Variants in TPTE2 observed in about 807,000 individuals in gnomAD.
The protein encoded by TPTE2 is transmembrane phosphoinositide 3-phosphatase and tensin homolog 2.
TPTE2 carries 53 observed loss-of-function variants against 78.6 expected under a neutral mutation model. The ratio of observed to expected loss-of-function variants is 0.67; its 90% CI spans 0.54 to 0.85. The LOEUF (loss-of-function observed/expected upper bound fraction) is 0.85, where lower values mean the gene tolerates loss of function less well. Among genes scored for constraint, TPTE2 ranks in the 40% least tolerant of loss-of-function variants. The pLI is 0.00. For missense variants in TPTE2, 461 were observed against 623.0 expected (o/e 0.74, Z 2.77); for synonymous variants, 175 against 206.2 (o/e 0.85, Z 1.30).
chr13:19,544,687 G>A, the TPTE2 span, among the ~76,000 whole-genome samples: 1 of 152,186 alleles, frequency 6.6e-6, no homozygotes, highest in Non-Finnish European at 1.5e-5. Context: ...CTTGAGCCCA[G>A]CAGTTCAAGA....
At chr13:19,480,168 C>G (rs1593385567) in intron 4 of TPTE2, among the ~76,000 whole-genome samples, 2 of 152,200 alleles carry the variant, frequency 1.3e-5, no homozygotes, top group East Asian at 3.9e-4. Context: ...GGTGCTATCT[C>G]TCCCACTGGA....
At chr13:19,490,887 T>C (rs1880950199) in intron 3 of TPTE2, among the ~76,000 whole-genome samples, 1 of 152,182 alleles carries the variant, frequency 6.6e-6, no homozygotes. Context: ...CTCACTCTAG[T>C]AGAGTGTCAT....
chr13:19,483,818 G>A (rs878919808), intron 3 of TPTE2, among the ~76,000 whole-genome samples: 1 of 152,014 alleles, frequency 6.6e-6, no homozygotes, highest in African/African-American at 2.4e-5. Flanking sequence ...TAGGGTACAT[G>A]TGCACAATGT....
At chr13:19,485,532 T>C (rs1880617008) in intron 3 of TPTE2, among the ~76,000 whole-genome samples, 1 of 152,120 alleles carries the variant, frequency 6.6e-6, no homozygotes, top group African/African-American at 2.4e-5. Flanking sequence ...TTGAATGTAT[T>C]TGGGGTTCTT....
chr13:19,500,302 A>G (rs1165829628), intron 1 of TPTE2, among the ~76,000 whole-genome samples: 1 of 150,806 alleles, frequency 6.6e-6, no homozygotes, highest in African/African-American at 2.4e-5. Flanking sequence ...TCATTTTATG[A>G]GGCCAGCATC....
At chr13:19,429,509 G>A (rs1876395652) in intron 17 of TPTE2, among the ~76,000 whole-genome samples, 1 of 152,226 alleles carries the variant, frequency 6.6e-6, no homozygotes, top group Non-Finnish European at 1.5e-5. Flanking sequence ...TGTTCATGTT[G>A]TAGCTCCTGC....
the TPTE2 span, among the ~76,000 whole-genome samples, chr13:19,546,483 CTTTTTTTTTTTTTTT>C: frequency 1.2e-5 from 1 of 85,022 alleles, no homozygotes; most frequent in African/African-American, 4.6e-5. Flanking sequence ...TTTTCTTTTT[CTTTTTTTTTTTTTTT>C]TTTTTTTTGA....
chr13:19,516,717 G>A (rs1244622182), intron 1 of TPTE2, among the ~76,000 whole-genome samples: 3 of 152,098 alleles, frequency 2.0e-5, no homozygotes, highest in Non-Finnish European at 2.9e-5. Flanking sequence ...CACCATCCTT[G>A]AACAGAGCAT....
chr13:19,454,408 C>T (rs1182377393), intron 10 of TPTE2, among the ~76,000 whole-genome samples: 2 of 152,184 alleles, frequency 1.3e-5, no homozygotes, highest in Admixed American at 6.5e-5. Context: ...ACTCCCAGTG[C>T]AGGACATGCT....
At chr13:19,533,461 G>T (rs1340168785) in intron 1 of TPTE2, among the ~76,000 whole-genome samples, 1 of 152,206 alleles carries the variant, frequency 6.6e-6, no homozygotes. Flanking sequence ...ACTGATGGAA[G>T]GTTATGTTAA....
Position 19,467,205 on chromosome 13 carries a change from G to T in TPTE2, c.512+20C>A, listed in dbSNP as rs372618368. 1.9e-6 allele frequency: 3 copies of T among 1,563,876 alleles called. No homozygotes were observed. The South Asian group carries it at 3.6e-5, about 19-fold the overall frequency. On this transcript the variant is annotated intron_variant, in intron 7 of 19. Coordinates refer to ENST00000400230, the Ensembl canonical transcript of TPTE2. ...AAAGTAATGAAAAACTTTAAGAGAG[G>T]TAAGTCTTATGTTTCATACCTGGGA...
intron 17 of TPTE2, among the ~76,000 whole-genome samples, chr13:19,429,757 A>C (rs1439270721): frequency 2.0e-5 from 3 of 152,206 alleles, no homozygotes; most frequent in African/African-American, 7.2e-5. Context: ...AGGCCTGGGT[A>C]GGAATTCTAA....
upstream of TPTE2, among the ~76,000 whole-genome samples, chr13:19,503,763 A>G (rs1349419997): frequency 6.6e-6 from 1 of 152,186 alleles, no homozygotes; most frequent in Non-Finnish European, 1.5e-5. Context: ...ATTGTGGCAG[A>G]GTTCTGCAGG....
rs921425176 is a variant in TPTE2, at chr13:19,477,086, C to G, written c.180-1463G>C. On this transcript the variant is annotated intron_variant, in intron 4 of 19. Transcript: ENST00000400230. ...GGGAACATGGATGGATCTGGAGGCT[C>G]TTATCCTTAGCAAACTAGTGCAGAA... Among the ~76,000 whole-genome samples, 13 of 152,186 alleles carry G rather than the reference C, an allele frequency of 8.5e-5. No individual in the cohort carries two copies. The East Asian group carries it at 2.5e-3, about 29-fold the overall frequency.
At chr13:19,543,575 C>T in the TPTE2 span, among the ~76,000 whole-genome samples, 56 of 151,706 alleles carry the variant, frequency 3.7e-4, no homozygotes, top group African/African-American at 1.3e-3. Context: ...AGGCTGGTCT[C>T]GAACTCCTGA....
chr13:19,503,440 A>G (rs1427001008), upstream of TPTE2, among the ~76,000 whole-genome samples: 2 of 152,206 alleles, frequency 1.3e-5, no homozygotes, highest in African/African-American at 4.8e-5. Flanking sequence ...ATTAGAAAGG[A>G]GGCAACCAAC....
chr13:19,539,170 C>T (rs1298566744), upstream of TPTE2, among the ~76,000 whole-genome samples: 2 of 152,218 alleles, frequency 1.3e-5, no homozygotes, highest in African/African-American at 4.8e-5. Context: ...GGCCCCACCT[C>T]TCAATACTGC....
chr13:19,554,024 A>G, the TPTE2 span, among the ~76,000 whole-genome samples: 1 of 152,148 alleles, frequency 6.6e-6, no homozygotes, highest in African/African-American at 2.4e-5. Context: ...TTCTTTAGTT[A>G]TTTTTACCAA....
chr13:19,441,087 CA>C (rs112942637), intron 13 of TPTE2, among the ~76,000 whole-genome samples: 9,629 of 132,806 alleles, frequency 0.073, 509 homozygotes, highest in African/African-American at 0.17. Context: ...AACTCCCTCT[CA>C]AAAAAAAAAA....
Sources: gnomAD v4.1 joint callset for allele counts (sites outside exome capture counted in the v4.1 genomes callset) on GRCh38, gnomAD v4.1.1 for gene constraint, MANE v1.5 for transcripts, NCBI Gene and HGNC (gene_info 2026-07-23, HGNC 2026-07-21) for gene names.